The following RGS12 variants were observed in gnomAD, a reference collection of about 807,000 sequenced individuals.
The protein encoded by RGS12 is regulator of G-protein signaling 12.
A neutral mutation model predicts 120.1 loss-of-function variants in RGS12; 66 were observed. That is an observed-to-expected ratio of 0.55 (90% CI 0.45 to 0.67). RGS12 has a LOEUF of 0.67. RGS12 is among the 30% of genes least tolerant of loss of function. The pLI, the probability that RGS12 is intolerant of heterozygous loss-of-function variation, is 0.00. For synonymous variants in RGS12, 827 were observed against 804.7 expected (o/e 1.03, Z -0.47); for missense variants, 1,859 against 1,957.7 (o/e 0.95, Z 0.95).
intron 4 of RGS12, 97 bp downstream of exon 4, chr4:3,386,534 G>A (rs1197939428): frequency 9.3e-7 from 1 of 1,079,222 alleles, no homozygotes; most frequent in East Asian, 2.4e-5. Context: ...GGAAGGACGG[G>A]TTGTTTGCCT....
rs761716475 is a variant in RGS12 at position 3,317,125 on chromosome 4, A to G, written c.955A>G (p.Thr319Ala). Residue 319 changes from threonine (T) to alanine (A), a missense_variant, in exon 2 of 18, where the codon ACG (threonine) becomes GCG (alanine). This residue lies in a region of RGS12 where 967 missense variants were observed against 994.2 expected (regional missense o/e 0.97). Coordinates refer to ENST00000336727, the MANE Select transcript of RGS12 (RefSeq NM_001394154.1). ...RRFFGLVTMQTNDDGSLAQEE... is the reference protein window; with the variant it reads ...RRFFGLVTMQANDDGSLAQEE... Reference sequence around the variant, plus strand: ...ATTTTTCGGGTTGGTTACCATGCAGACGAATGACGACGGGAGCCTGGCCCA... The same window carrying G: ...ATTTTTCGGGTTGGTTACCATGCAGGCGAATGACGACGGGAGCCTGGCCCA... The G allele has an allele frequency of 8.7e-6, 14 of 1,613,766 alleles. No individual in the cohort carries two copies. The African/African-American group carries it at 1.7e-4, about 20-fold the overall frequency.
chr4:3,291,491 C>T (rs1232256224), upstream of RGS12, among the ~76,000 whole-genome samples: 6 of 152,102 alleles, frequency 3.9e-5, no homozygotes, highest in African/African-American at 7.2e-5. Flanking sequence ...CGACTATAGG[C>T]GCGTGCCACC....
chr4:3,370,236 C>T lies in RGS12; in HGVS notation c.1999-16180C>T, dbSNP rs144125498. Reference sequence around the variant, plus strand: ...GCGGTGTTGAATGGTGTGTCTTAGACCCGGGTGCCTAGTGTGGCTCGGTGC... The same window carrying T: ...GCGGTGTTGAATGGTGTGTCTTAGATCCGGGTGCCTAGTGTGGCTCGGTGC... On this transcript the variant is annotated intron_variant, in intron 3 of 17. Transcript: ENST00000336727. The T allele has an allele frequency of 5.1e-5, 83 of 1,613,388 alleles. 3 individuals carry two copies. The Middle Eastern group carries it at 8.3e-4, about 16-fold the overall frequency.
chr4:3,318,059 T>C lies in RGS12; in HGVS notation c.1881+8T>C, dbSNP rs1578716115. 1.3e-6 allele frequency: 2 copies of C among 1,590,122 alleles called. No homozygotes were observed. Among genetic ancestry groups the C allele is most frequent in the East Asian group, 2.2e-5 (1 of 44,580 alleles). ...ACTAAGGAAGATAAAAAGGTAAGCC[T>C]GCCAGGAGCCACTCAGCGCGGAGGC... is the stretch of plus-strand genomic sequence containing the variant. On this transcript the variant is annotated splice_region_variant and intron_variant, in intron 2 of 17. Coordinates refer to ENST00000336727, the MANE Select transcript of RGS12 (RefSeq NM_001394154.1).
intron 17 of RGS12, chr4:3,432,305 C>A: frequency 2.0e-6 from 1 of 506,118 alleles, no homozygotes; most frequent in Non-Finnish European, 2.6e-6. Flanking sequence ...AATCTACTGG[C>A]TTTTAAAAAT....
At chr4:3,367,814 A>C (rs1211585600) in intron 3 of RGS12, among the ~76,000 whole-genome samples, 1 of 152,220 alleles carries the variant, frequency 6.6e-6, no homozygotes, top group Non-Finnish European at 1.5e-5. Context: ...GGGGGAGCCT[A>C]GAGAGAGACA....
chr4:3,408,000 G>A (rs569210398), intron 4 of RGS12, among the ~76,000 whole-genome samples: 14 of 152,146 alleles, frequency 9.2e-5, no homozygotes, highest in Non-Finnish European at 1.6e-4. Context: ...CAACAATACC[G>A]TAAACTGGAC....
intron 1 of RGS12, among the ~76,000 whole-genome samples, chr4:3,309,699 G>A (rs1239260021): frequency 4.3e-3 from 229 of 53,408 alleles, no homozygotes; most frequent in African/African-American, 6.7e-3. Flanking sequence ...AACCGTGCAG[G>A]GGAGGAGCTG....
intron 2 of RGS12, among the ~76,000 whole-genome samples, chr4:3,335,622 G>A (rs1712364100): frequency 6.6e-6 from 1 of 152,184 alleles, no homozygotes; most frequent in Non-Finnish European, 1.5e-5. Context: ...AGTTTGCCCA[G>A]CTCATTGCGC....
At position 3,433,328 on chromosome 4, in the gene RGS12, G is replaced by A. The variant is rs1167074326; in HGVS notation, c.4114+2373G>A. On this transcript the variant is annotated intron_variant, in intron 17 of 17. Coordinates refer to ENST00000336727, the MANE Select transcript of RGS12 (RefSeq NM_001394154.1). This position sits in a 1 kb window ranked among gnomAD's most constrained non-coding sequence, Gnocchi z 4.4. ...GGGCTCCCGCCCTCCCCATTGCCATGGTGGGCAGCATGCCGGCTACGCGTG... is the reference window on the plus strand; with the variant it reads ...GGGCTCCCGCCCTCCCCATTGCCATAGTGGGCAGCATGCCGGCTACGCGTG... Among the ~76,000 whole-genome samples the A allele has an allele frequency of 2.6e-5, 4 of 152,200 alleles. No individual in the cohort carries two copies. The East Asian group carries it at 7.7e-4, about 29-fold the overall frequency.
intron 2 of RGS12, among the ~76,000 whole-genome samples, chr4:3,321,020 C>G (rs1375197768): frequency 6.6e-6 from 1 of 152,142 alleles, no homozygotes; most frequent in East Asian, 1.9e-4. Context: ...TCACGTGACT[C>G]CGGATTCTTA....
rs191403193 is a variant in RGS12 at position 3,385,975 on chromosome 4, T to C, written c.1999-441T>C. On this transcript the variant is annotated intron_variant, in intron 3 of 17. Transcript: ENST00000336727. Reference sequence around the variant, plus strand: ...GCGAGTATGGCCCTGGGTGGCGTCATGGCACACAGGCACTGAGTGGACTGT... The same window carrying C: ...GCGAGTATGGCCCTGGGTGGCGTCACGGCACACAGGCACTGAGTGGACTGT... 5.2e-4 allele frequency: 95 copies of C among 181,512 alleles called. 1 individual carries two copies. The highest frequency in any genetic ancestry group is 2.3e-3 in the South Asian group (17 of 7,252). 11.2% of individuals were successfully genotyped at this position (181,512 alleles called of 1,614,324 possible).
At chr4:3,329,818 A>C (rs555169731) in intron 2 of RGS12, among the ~76,000 whole-genome samples, 9 of 152,226 alleles carry the variant, frequency 5.9e-5, no homozygotes, top group African/African-American at 2.2e-4. Flanking sequence ...TGAGTGCAAA[A>C]TTTCAGTCTA....
chr4:3,293,613 GC>G (rs1036047742), intron 1 of RGS12, among the ~76,000 whole-genome samples: 2 of 152,342 alleles, frequency 1.3e-5, no homozygotes, highest in East Asian at 3.9e-4. Flanking sequence ...CCGCGATTGT[GC>G]AGTGTAGACA....
chr4:3,348,695 G>A (rs1287278040), intron 3 of RGS12, among the ~76,000 whole-genome samples: 1 of 152,162 alleles, frequency 6.6e-6, no homozygotes, highest in Non-Finnish European at 1.5e-5. Flanking sequence ...GGAAAACAGT[G>A]CATCAGACCA....
Position 3,343,132 on chromosome 4 carries a change from G to A in RGS12, c.1998+79G>A, listed in dbSNP as rs1252736390. On this transcript the variant is annotated intron_variant, in intron 3 of 17. Transcript: ENST00000336727. ...GTCCACCTTGCAGATACGTCTGGCT[G>A]TTTTTTGAGTCCCTGTGGTCCCCTC... 4.0e-5 allele frequency: 40 copies of A among 1,001,220 alleles called. 1 individual carries two copies. Among genetic ancestry groups the A allele is most frequent in the Non-Finnish European group, 5.7e-5 (37 of 646,604 alleles). The allele number at this position is 1,001,220 out of a possible 1,614,324, so 62.0% of individuals were successfully genotyped here.
chr4:3,437,967 G>A (rs910552315), intron 17 of RGS12, among the ~76,000 whole-genome samples: 8 of 152,198 alleles, frequency 5.3e-5, no homozygotes, highest in African/African-American at 1.9e-4. Flanking sequence ...TGGGATTGGG[G>A]ACCTTGGTGG....
chr4:3,427,743 G>GA (rs1011331720), intron 14 of RGS12, among the ~76,000 whole-genome samples: 5 of 151,098 alleles, frequency 3.3e-5, no homozygotes, highest in South Asian at 2.1e-4. Context: ...CTCAAAAAAA[G>GA]AAAAAAAAGA....
chr4:3,324,641 C>T (rs1055171926), intron 2 of RGS12: 1 of 152,496 alleles, frequency 6.6e-6, no homozygotes, highest in African/African-American at 2.4e-5. Context: ...GGCTGGACGT[C>T]CTGTCCACTG....
Sources: gnomAD v4.1 joint callset for allele counts (sites outside exome capture counted in the v4.1 genomes callset) on GRCh38, gnomAD v4.1.1 for gene constraint, gnomAD v4.1.1 regional missense constraint, Gnocchi (gnomAD v3.1) non-coding constraint, MANE v1.5 for transcripts, NCBI Gene and HGNC (gene_info 2026-07-23, HGNC 2026-07-21) for gene names.